Variants in SETD2 observed in about 807,000 individuals in gnomAD.
SETD2 encodes SET domain containing 2, histone lysine methyltransferase.
In SETD2, 31 loss-of-function variants were observed where a neutral mutation model predicts 242.1. The observed-to-expected ratio is 0.13, with a 90% CI of 0.10 to 0.17. The LOEUF (loss-of-function observed/expected upper bound fraction) is 0.17, where lower values mean the gene tolerates loss of function less well. SETD2 is among the 10% of genes least tolerant of loss of function. SETD2 has a pLI of 1.00. For synonymous variants in SETD2, 1,006 were observed against 1,066.5 expected (o/e 0.94, Z 1.11); for missense variants, 2,481 against 3,046.3 (o/e 0.81, Z 4.37).
At chr3:47,044,921 G>A (rs61364027) in intron 16 of SETD2, among the ~76,000 whole-genome samples, 4,971 of 152,200 alleles carry the variant, frequency 0.033, 232 homozygotes, top group East Asian at 0.13. Context: ...AATGCTTATT[G>A]GAATATTTCA....
In SETD2 at chr3:47,123,553, C is replaced by T. The variant is rs2043196457; in HGVS notation, c.1083G>A (p.Glu361=). Residue 361 remains glutamate (E), a synonymous_variant, in exon 3 of 21, where the codon GAG becomes GAA. Transcript: ENST00000409792. ...TAGATCGTGAAGGTTTCCCTAGATC[C>T]TCACTTTTTAAAGGTGCTGAGCTCT... ...FKKSSAPLKS[E]DLGKPSRSKT... 6.4e-7 allele frequency: 1 copy of T among 1,550,388 alleles called. No individual in the cohort carries two copies. Among genetic ancestry groups the T allele is most frequent in the South Asian group, 1.2e-5 (1 of 84,064 alleles).
At chr3:47,063,405 C>A (rs749657836) in intron 13 of SETD2, among the ~76,000 whole-genome samples, 44 of 151,936 alleles carry the variant, frequency 2.9e-4, no homozygotes, top group Non-Finnish European at 6.0e-4. Context: ...TCAGCCCAGG[C>A]ATTCTAGGCT....
At position 47,120,442 on chromosome 3, in the gene SETD2, G is replaced by T. The variant is rs1349027161; in HGVS notation, c.4194C>A (p.Ile1398=). The change falls in exon 3 of 21, where the codon ATC becomes ATA. Residue 1398 remains isoleucine, a synonymous_variant. Transcript: ENST00000409792. ...DFSKNLEKND[I]KDRGPLKKRR... is the part of the protein sequence containing the mutation. ...TTTTTTTAAGAGGCCCTCTATCTTT[G>T]ATATCATTTTTTTCTAAGTTTTTTG... The T allele has an allele frequency of 6.2e-7, 1 of 1,612,886 alleles. No homozygotes were observed. Among genetic ancestry groups the T allele is most frequent in the Admixed American group, 1.7e-5 (1 of 59,694 alleles).
At chr3:47,105,837 G>A (rs1575782526) in intron 6 of SETD2, 160 bp downstream of exon 6, 1 of 700,100 alleles carries the variant, frequency 1.4e-6, no homozygotes, top group Non-Finnish European at 2.3e-6. Context: ...CAGGAGGCAG[G>A]GGTTGCAGTG....
In SETD2 at chr3:47,120,837, G is replaced by A. The variant is rs2107746610; in HGVS notation, c.3799C>T (p.Pro1267Ser). Residue 1267 changes from proline (P) to serine (S), a missense_variant, in exon 3 of 21, where the codon CCT (proline) becomes TCT (serine). Around this residue, in one of 17 missense-constraint regions of SETD2, gnomAD observed 1,300 missense variants for 1,259.2 expected, o/e 1.03. Coordinates refer to ENST00000409792, the MANE Select transcript of SETD2 (RefSeq NM_014159.7). ...TCAGGTTGCTGATACGTGGTAGAAG[G>A]CTTTTCTTGAGAGAAGTCCCAACCT... is the stretch of plus-strand genomic sequence containing the variant. ...NLGWDFSQEK[P>S]STTYQQPDSS... The A allele has an allele frequency of 6.2e-7, 1 of 1,614,196 alleles. No homozygotes were observed. The highest frequency in any genetic ancestry group is 8.5e-7 in the Non-Finnish European group (1 of 1,180,036).
intron 18 of SETD2, among the ~76,000 whole-genome samples, chr3:47,024,014 G>A (rs2038358431): frequency 6.6e-6 from 1 of 152,140 alleles, no homozygotes; most frequent in Non-Finnish European, 1.5e-5. Flanking sequence ...CTCTCAAGAT[G>A]GGAAATTTTC....
chr3:47,085,411 C>A (rs1401355640), intron 11 of SETD2, among the ~76,000 whole-genome samples: 2 of 152,200 alleles, frequency 1.3e-5, no homozygotes, highest in Non-Finnish European at 2.9e-5. Context: ...ATCTCTTCAG[C>A]TTTTGATAAA....
intron 1 of SETD2, among the ~76,000 whole-genome samples, chr3:47,137,463 T>C (rs994554320): frequency 7.2e-5 from 11 of 152,128 alleles, no homozygotes; most frequent in Admixed American, 2.6e-4. Flanking sequence ...AGTGCTGGGA[T>C]TGTAGGTGTG....
intron 3 of SETD2, chr3:47,119,663 GC>G (rs2042994942): frequency 2.9e-6 from 1 of 345,336 alleles, no homozygotes. Flanking sequence ...CAATTCTGAG[GC>G]CTCCCCAGCC....
chr3:47,164,007 CCGACCGCGGCGGCGG>C lies in SETD2; in HGVS notation c.-98_-84del. 1 of 1,188,428 alleles carries C rather than the reference CCGACCGCGGCGGCGG, an allele frequency of 8.4e-7. No individual in the cohort carries two copies. Among genetic ancestry groups the C allele is most frequent in the Middle Eastern group, 2.7e-4 (1 of 3,642 alleles). 73.6% of individuals were successfully genotyped at this position (1,188,428 alleles called of 1,614,324 possible). A position where few individuals can be genotyped will look rare whatever the true frequency, so the allele number is the denominator to read the frequency against. On this transcript the variant is annotated 5_prime_UTR_variant, in exon 1 of 21. Transcript: ENST00000409792. The surrounding 1 kb of genome is among the most constrained non-coding windows in gnomAD (Gnocchi z 5.4). ...GAGGGGAGGGGAGGAGGCCGCAGGT[CCGACCGCGGCGGCGG>C]CGGCGGCGGCGGCGGCGGCGGCAGG...
chr3:47,040,127 T>G (rs2039212880), intron 17 of SETD2, among the ~76,000 whole-genome samples: 2 of 151,678 alleles, frequency 1.3e-5, no homozygotes, highest in South Asian at 4.2e-4. Flanking sequence ...TACAGGCACC[T>G]GCCACCAAGC....
chr3:47,123,325 G>A lies in SETD2; in HGVS notation c.1311C>T (p.Ser437=), dbSNP rs1221591455. 6.4e-7 allele frequency: 1 copy of A among 1,551,730 alleles called. No individual in the cohort carries two copies. Among genetic ancestry groups the A allele is most frequent in the Middle Eastern group, 1.7e-4 (1 of 5,992 alleles). ...AGCGCGTCCTCTCTCGATAAGGGGA[G>A]CTCCTATGGTAGCGACGATCAGAGT... ...YYDSDRRYHR[S]SPYRERTRYS... The change falls in exon 3 of 21, where the codon AGC becomes AGT. Residue 437 remains serine, a synonymous_variant. Coordinates refer to ENST00000409792, the MANE Select transcript of SETD2 (RefSeq NM_014159.7).
intron 9 of SETD2, among the ~76,000 whole-genome samples, chr3:47,093,226 A>G (rs1575760681): frequency 6.6e-6 from 1 of 150,962 alleles, no homozygotes; most frequent in Non-Finnish European, 1.5e-5. Context: ...AGAGTTATCC[A>G]TGTTACTGTA....
chr3:47,068,493 CTTTTTT>C (rs573954456), intron 12 of SETD2, among the ~76,000 whole-genome samples: 1 of 108,714 alleles, frequency 9.2e-6, no homozygotes, highest in Non-Finnish European at 1.8e-5. Context: ...AATACACTAT[CTTTTTT>C]TTTTTTTTTT....
At position 47,017,408 on chromosome 3, in the gene SETD2, G is replaced by A. The variant is rs2038027079; in HGVS notation, c.7534-154C>T. Among the ~76,000 whole-genome samples the A allele has an allele frequency of 6.6e-6, 1 of 152,028 alleles. No individual in the cohort carries two copies. The highest frequency in any genetic ancestry group is 1.9e-4 in the East Asian group (1 of 5,186). On this transcript the variant is annotated intron_variant, in intron 20 of 20. Coordinates refer to ENST00000409792, the MANE Select transcript of SETD2 (RefSeq NM_014159.7). The surrounding 1 kb of genome is among the most constrained non-coding windows in gnomAD (Gnocchi z 4.8). ...GGGGTAGATGTTGGGGCAGGCTGGT[G>A]CTATGATCACCAGAAAGGACAAGCT...
chr3:47,164,011 C>T lies in SETD2; in HGVS notation c.-87G>A. On this transcript the variant is annotated 5_prime_UTR_variant, in exon 1 of 21. Transcript: ENST00000409792. This position sits in a 1 kb window ranked among gnomAD's most constrained non-coding sequence, Gnocchi z 5.4. ...GGAGGGGAGGAGGCCGCAGGTCCGA[C>T]CGCGGCGGCGGCGGCGGCGGCGGCG... The T allele has an allele frequency of 8.8e-7, 1 of 1,141,486 alleles. No homozygotes were observed. Among genetic ancestry groups the T allele is most frequent in the Non-Finnish European group, 1.1e-6 (1 of 946,868 alleles). The allele number at this position is 1,141,486 out of a possible 1,614,324, so 70.7% of individuals were successfully genotyped here.
Position 47,016,613 on chromosome 3 carries a change from CT to C in SETD2, c.*479del. 2 of 234,502 alleles carry C rather than the reference CT, an allele frequency of 8.5e-6. No homozygotes were observed. The highest frequency in any genetic ancestry group is 1.1e-4 in the Admixed American group (2 of 17,828). 14.5% of individuals were successfully genotyped at this position (234,502 alleles called of 1,614,324 possible). On this transcript the variant is annotated 3_prime_UTR_variant, in exon 21 of 21. Coordinates refer to ENST00000409792, the MANE Select transcript of SETD2 (RefSeq NM_014159.7). ...ATTAAACCTTGCAGGAGAACTTAAA[CT>C]GTCCTTACAAAGTCTTCCTGTGATC...
chr3:47,041,862 T>C lies in SETD2; in HGVS notation c.7238+699A>G, dbSNP rs555027966. On this transcript the variant is annotated intron_variant, in intron 17 of 20. Transcript: ENST00000409792. The stretch of plus-strand genomic sequence containing the variant: ...ACAATCTAGCTATTTAATTTGGAAA[T>C]AGAAAAGCGCTGTCCGTAAAAAAAA... Among the ~76,000 whole-genome samples the C allele has an allele frequency of 8.5e-5, 13 of 152,196 alleles. No individual in the cohort carries two copies. In the East Asian group the frequency reaches 1.3e-3, roughly 16 times the overall value.
In SETD2 at chr3:47,017,398, G is replaced by T; in HGVS notation, c.7534-144C>A. 1 of 870,390 alleles carries T rather than the reference G, an allele frequency of 1.1e-6. No homozygotes were observed. The highest frequency in any genetic ancestry group is 1.7e-6 in the Non-Finnish European group (1 of 573,136). 53.9% of individuals were successfully genotyped at this position (870,390 alleles called of 1,614,324 possible). On this transcript the variant is annotated intron_variant, in intron 20 of 20. Transcript: ENST00000409792. The surrounding 1 kb of genome is among the most constrained non-coding windows in gnomAD (Gnocchi z 4.8). ...AGTTAATAAGGGGGTAGATGTTGGGGCAGGCTGGTGCTATGATCACCAGAA... is the reference window on the plus strand; with the variant it reads ...AGTTAATAAGGGGGTAGATGTTGGGTCAGGCTGGTGCTATGATCACCAGAA...
Sources: gnomAD v4.1 joint callset for allele counts (sites outside exome capture counted in the v4.1 genomes callset) on GRCh38, gnomAD v4.1.1 for gene constraint, gnomAD v4.1.1 regional missense constraint, Gnocchi (gnomAD v3.1) non-coding constraint, MANE v1.5 for transcripts, NCBI Gene and HGNC (gene_info 2026-07-23, HGNC 2026-07-21) for gene names.